Variants in CNTNAP4 observed in about 807,000 individuals in gnomAD.
CNTNAP4 encodes the protein contactin associated protein family member 4.
A neutral mutation model predicts 148.4 loss-of-function variants in CNTNAP4; 98 were observed. The observed-to-expected ratio is 0.66, with a 90% CI of 0.56 to 0.78. The LOEUF is 0.78. Ranked by LOEUF, CNTNAP4 falls within the 30% of genes least tolerant of loss-of-function variation. The pLI is 0.00. For synonymous variants in CNTNAP4, 730 were observed against 565.1 expected (o/e 1.29, Z -4.14); for missense variants, 1,935 against 1,565.6 (o/e 1.24, Z -3.98).
chr16:76,467,593 A>G, intron 10 of CNTNAP4, 70 bp downstream of exon 10: 1 of 1,227,070 alleles, frequency 8.1e-7, no homozygotes, highest in Non-Finnish European at 1.1e-6. Context: ...TATGTATAAG[A>G]TGAACAATTA....
intron 12 of CNTNAP4, among the ~76,000 whole-genome samples, chr16:76,484,583 G>T (rs932333379): frequency 3.9e-5 from 6 of 152,094 alleles, no homozygotes; most frequent in Non-Finnish European, 8.8e-5. Context: ...CCAAGAATGG[G>T]GGAGGTTAAG....
chr16:76,496,207 T>C (rs1209493330), intron 14 of CNTNAP4, among the ~76,000 whole-genome samples: 1 of 151,776 alleles, frequency 6.6e-6, no homozygotes, highest in Non-Finnish European at 1.5e-5. Flanking sequence ...AAATTTCTAC[T>C]CCCTTTGGAA....
chr16:76,314,276 G>T (rs1425767203), intron 1 of CNTNAP4, among the ~76,000 whole-genome samples: 1 of 152,202 alleles, frequency 6.6e-6, no homozygotes, highest in Non-Finnish European at 1.5e-5. Flanking sequence ...CCAAGAAAGG[G>T]TTCTTGAATC....
At chr16:76,304,293 A>G (rs1443630529) in intron 1 of CNTNAP4, among the ~76,000 whole-genome samples, 1 of 152,166 alleles carries the variant, frequency 6.6e-6, no homozygotes, top group African/African-American at 2.4e-5. Flanking sequence ...TATGCTGCAC[A>G]ATATTCTGGC....
intron 2 of CNTNAP4, among the ~76,000 whole-genome samples, chr16:76,351,282 G>T (rs1026644450): frequency 6.6e-6 from 1 of 151,988 alleles, no homozygotes. Context: ...GCGGTTTGGC[G>T]GTGGCCATAC....
At chr16:76,309,229 A>C (rs1483084671) in intron 1 of CNTNAP4, among the ~76,000 whole-genome samples, 4 of 152,030 alleles carry the variant, frequency 2.6e-5, no homozygotes, top group Non-Finnish European at 5.9e-5. Flanking sequence ...TGCAGCTGTG[A>C]GGATGAGATG....
intron 15 of CNTNAP4, among the ~76,000 whole-genome samples, chr16:76,519,632 T>C (rs4567749): frequency 0.06 from 9,156 of 152,270 alleles, 491 homozygotes; most frequent in East Asian, 0.27. Context: ...TATCCCTGAC[T>C]TGATATTTTA....
chr16:76,535,082 C>T (rs1220880821), intron 17 of CNTNAP4, among the ~76,000 whole-genome samples: 4 of 152,110 alleles, frequency 2.6e-5, no homozygotes, highest in Admixed American at 2.6e-4. Flanking sequence ...ACCAAAGGAC[C>T]ATATCAATGC....
At chr16:76,413,670 A>G (rs2144936032) in intron 3 of CNTNAP4, among the ~76,000 whole-genome samples, 1 of 151,450 alleles carries the variant, frequency 6.6e-6, no homozygotes, top group East Asian at 1.9e-4. Flanking sequence ...TTGTGCACAC[A>G]CACAAACATT....
At chr16:76,511,956 T>C (rs2083044408) in intron 15 of CNTNAP4, among the ~76,000 whole-genome samples, 1 of 151,608 alleles carries the variant, frequency 6.6e-6, no homozygotes, top group African/African-American at 2.4e-5. Flanking sequence ...TTAAATAGGA[T>C]GGTCATTTAA....
At chr16:76,375,841 T>C (rs2015361146) in intron 3 of CNTNAP4, among the ~76,000 whole-genome samples, 1 of 152,166 alleles carries the variant, frequency 6.6e-6, no homozygotes, top group Non-Finnish European at 1.5e-5. Context: ...GCCACAGCAC[T>C]AAAAAGAAAG....
At chr16:76,284,718 C>T (rs1057280368) in intron 1 of CNTNAP4, among the ~76,000 whole-genome samples, 1 of 151,904 alleles carries the variant, frequency 6.6e-6, no homozygotes, top group Non-Finnish European at 1.5e-5. Context: ...TCCATGAGCT[C>T]TTAAGCTGTG....
At chr16:76,421,687 T>C (rs2079195749) in intron 3 of CNTNAP4, among the ~76,000 whole-genome samples, 2 of 129,660 alleles carry the variant, frequency 1.5e-5, no homozygotes. Context: ...CATCTGAATG[T>C]CAGCTGACTA....
intron 3 of CNTNAP4, among the ~76,000 whole-genome samples, chr16:76,372,617 G>A (rs1043927855): frequency 1.3e-5 from 2 of 151,998 alleles, no homozygotes; most frequent in South Asian, 2.1e-4. Context: ...TTCCCCTTTC[G>A]CTTGGCTCTC....
chr16:76,402,464 CTA>C (rs2078453229), intron 3 of CNTNAP4, among the ~76,000 whole-genome samples: 1 of 151,746 alleles, frequency 6.6e-6, no homozygotes, highest in African/African-American at 2.4e-5. Context: ...AGCTAGCAAC[CTA>C]TCTTATCAAT....
chr16:76,325,236 A>C (rs1001573268), intron 2 of CNTNAP4, among the ~76,000 whole-genome samples: 9 of 152,204 alleles, frequency 5.9e-5, no homozygotes, highest in African/African-American at 2.2e-4. Flanking sequence ...AAAAATGAAA[A>C]TAAAGATTTG....
In CNTNAP4 at chr16:76,522,173, C is replaced by G; in HGVS notation, c.2671C>G (p.Gln891Glu). ...VERNMKEASL[Q>E]VDQLTPKTQP... ...AAGGAACATGAAGGAGGCCTCCCTT[C>G]AAGTGGATCAGCTGACACCAAAGAC... The change falls in exon 17 of 24, where the codon CAA becomes GAA. Residue 891 changes from glutamine (Q) to glutamate (E), a missense_variant. Coordinates refer to ENST00000611870, the MANE Select transcript of CNTNAP4 (RefSeq NM_033401.5). 6.2e-7 allele frequency: 1 copy of G among 1,613,942 alleles called. No homozygotes were observed. Among genetic ancestry groups the G allele is most frequent in the South Asian group, 1.1e-5 (1 of 91,082 alleles).
At chr16:76,299,749 T>C (rs1408944465) in intron 1 of CNTNAP4, among the ~76,000 whole-genome samples, 1 of 152,194 alleles carries the variant, frequency 6.6e-6, no homozygotes, top group Non-Finnish European at 1.5e-5. Flanking sequence ...CCAGGCCAAA[T>C]GTCCAACAAT....
chr16:76,512,776 A>C (rs973068384), intron 15 of CNTNAP4, among the ~76,000 whole-genome samples: 2 of 152,216 alleles, frequency 1.3e-5, no homozygotes, highest in African/African-American at 4.8e-5. Context: ...GCAAGAAAGA[A>C]GACTGAGAAT....
Sources: gnomAD v4.1 joint callset for allele counts (sites outside exome capture counted in the v4.1 genomes callset) on GRCh38, gnomAD v4.1.1 for gene constraint, MANE v1.5 for transcripts, NCBI Gene and HGNC (gene_info 2026-07-23, HGNC 2026-07-21) for gene names.